EXD1: variants seen among roughly 807,000 people sequenced by gnomAD.
The protein encoded by EXD1 is piRNA biogenesis protein EXD1.
A neutral mutation model predicts 49.1 loss-of-function variants in EXD1; 63 were observed. The ratio of observed to expected loss-of-function variants is 1.28; its 90% confidence interval spans 1.05 to 1.58. The LOEUF (loss-of-function observed/expected upper bound fraction) is 1.58. EXD1 is among the 40% of genes most tolerant of loss of function. The pLI, the probability that EXD1 is intolerant of heterozygous loss-of-function variation, is 0.00. For missense variants in EXD1, 748 were observed against 666.0 expected (o/e 1.12, Z -1.36); for synonymous variants, 234 against 239.2 (o/e 0.98, Z 0.20).
At chr15:41,193,370 GC>G (rs1000589553) in intron 9 of EXD1, among the ~76,000 whole-genome samples, 1 of 152,172 alleles carries the variant, frequency 6.6e-6, no homozygotes, top group African/African-American at 2.4e-5. Context: ...CTAGTCGGGA[GC>G]TGAACCAGCA....
intron 7 of EXD1, among the ~76,000 whole-genome samples, chr15:41,203,961 C>T (rs1420214395): frequency 8.6e-6 from 1 of 115,746 alleles, no homozygotes; most frequent in African/African-American, 3.6e-5. Flanking sequence ...AAATATTACT[C>T]TAGGCCAGGT....
chr15:41,184,647 A>G (rs1452976171), intron 11 of EXD1, 54 bp from the exon 12 acceptor site: 2 of 1,453,250 alleles, frequency 1.4e-6, no homozygotes, highest in African/African-American at 1.5e-5. Flanking sequence ...TGAATATGGT[A>G]CTTAAAATCA....
chr15:41,208,117 C>A (rs2046862429), intron 7 of EXD1, among the ~76,000 whole-genome samples: 1 of 151,672 alleles, frequency 6.6e-6, no homozygotes, highest in Admixed American at 6.6e-5. Flanking sequence ...TAGGAAATAA[C>A]CTAGAACTGC....
chr15:41,190,459 G>A (rs1470820581), intron 10 of EXD1: 3 of 270,746 alleles, frequency 1.1e-5, no homozygotes, highest in Non-Finnish European at 2.2e-5. Context: ...CCAGCCTGGT[G>A]ACAGAGCGAG....
At chr15:41,190,222 C>A (rs775031122) in intron 10 of EXD1, 94 bp from the exon 11 acceptor site, 7 of 1,337,478 alleles carry the variant, frequency 5.2e-6, no homozygotes, top group African/African-American at 1.4e-5. Flanking sequence ...TGCCTGTAAT[C>A]CCAGCACTCT....
At chr15:41,221,979 A>G (rs1461009637) in intron 2 of EXD1, among the ~76,000 whole-genome samples, 1 of 151,792 alleles carries the variant, frequency 6.6e-6, no homozygotes, top group East Asian at 1.9e-4. Context: ...AGGTGCCTGT[A>G]ATCCCAACTA....
Position 41,182,884 on chromosome 15 carries a change from T to C in EXD1, c.*1047A>G, listed in dbSNP as rs907112643. 4.6e-5 allele frequency: 7 copies of C among 151,940 alleles called. No individual in the cohort carries two copies. Among genetic ancestry groups the C allele is most frequent in the African/African-American group, 1.5e-4 (6 of 41,362 alleles). 9.4% of individuals were successfully genotyped at this position (151,940 alleles called of 1,614,324 possible). A position where few individuals can be genotyped will look rare whatever the true frequency, so the allele number is the denominator to read the frequency against. The stretch of plus-strand genomic sequence containing the variant: ...CTAACTCCAGGCAAATAGAATGGAG[T>C]CAGGCTTCAAGTTTATATAACAGAC... On this transcript the variant is annotated 3_prime_UTR_variant, in exon 12 of 12. Transcript: ENST00000458580.
chr15:41,191,450 G>GT lies in EXD1; in HGVS notation c.855dup (p.Leu286ThrfsTer39). The GT allele has an allele frequency of 6.2e-7, 1 of 1,606,232 alleles. No homozygotes were observed. The highest frequency in any genetic ancestry group is 8.5e-7 in the Non-Finnish European group (1 of 1,173,940). On this transcript the variant is annotated frameshift_variant, in exon 10 of 12. Coordinates refer to ENST00000458580, the MANE Select transcript of EXD1 (RefSeq NM_001286441.2). LOFTEE classifies it high-confidence loss of function. Reference sequence around the variant, plus strand: ...ACATCCTTTACACCCACCTGAATTAGTTTTTGTCTCTTTTCTAGAAAGGAG... The same window carrying GT: ...ACATCCTTTACACCCACCTGAATTAGTTTTTTGTCTCTTTTCTAGAAAGGAG...
intron 7 of EXD1, among the ~76,000 whole-genome samples, chr15:41,207,809 G>A (rs564253298): frequency 6.6e-6 from 1 of 151,770 alleles, no homozygotes; most frequent in African/African-American, 2.4e-5. Context: ...CCAGGAATTC[G>A]AGACAAGCCT....
intron 3 of EXD1, chr15:41,219,577 C>G (rs1017180876): frequency 1.6e-4 from 58 of 360,906 alleles, no homozygotes; most frequent in Non-Finnish European, 1.5e-5. Context: ...CAATCCCTTC[C>G]TGTTCACATT....
chr15:41,227,396 G>A (rs560249531), intron 1 of EXD1, among the ~76,000 whole-genome samples: 30 of 152,276 alleles, frequency 2.0e-4, no homozygotes, highest in South Asian at 1.4e-3. Flanking sequence ...TTGGCCGGGC[G>A]CAGTGGCTCA....
intron 1 of EXD1, 58 bp from the exon 2 acceptor site, chr15:41,226,686 TTTTCCC>T: frequency 1.5e-6 from 2 of 1,351,646 alleles, no homozygotes; most frequent in South Asian, 3.2e-5. Flanking sequence ...AGTAAAGTTA[TTTTCCC>T]TTTCCCCATA....
rs2047169051 is a variant in EXD1, at chr15:41,226,687, T to G, written c.-53-59A>C. On this transcript the variant is annotated intron_variant, in intron 1 of 11. Coordinates refer to ENST00000458580, the MANE Select transcript of EXD1 (RefSeq NM_001286441.2). ...AAAGATTTTTTGGGAGTAAAGTTAT[T>G]TTCCCTTTCCCCATATCTGTAATGG... 4 of 1,322,804 alleles carry G rather than the reference T, an allele frequency of 3.0e-6. No homozygotes were observed. The East Asian group carries it at 1.0e-4, about 34-fold the overall frequency. The allele number at this position is 1,322,804 out of a possible 1,614,324, so 81.9% of individuals were successfully genotyped here.
At chr15:41,220,307 G>A (rs938354985) in intron 2 of EXD1, among the ~76,000 whole-genome samples, 1 of 149,970 alleles carries the variant, frequency 6.7e-6, no homozygotes, top group South Asian at 2.1e-4. Context: ...GTCTCGTTCT[G>A]TCACGTAGGC....
intron 10 of EXD1, 88 bp downstream of exon 10, chr15:41,191,354 T>C: frequency 8.1e-7 from 1 of 1,241,098 alleles, no homozygotes; most frequent in Non-Finnish European, 1.1e-6. Context: ...ACATGGCAGC[T>C]GTCATTTTTC....
chr15:41,218,997 C>T (rs1288804858), intron 3 of EXD1, among the ~76,000 whole-genome samples: 3 of 152,158 alleles, frequency 2.0e-5, no homozygotes, highest in Admixed American at 1.3e-4. Context: ...GATGCACAGT[C>T]CTAAGAGGTC....
intron 3 of EXD1, among the ~76,000 whole-genome samples, chr15:41,219,261 C>A (rs1298380021): frequency 6.6e-6 from 1 of 152,052 alleles, no homozygotes; most frequent in African/African-American, 2.4e-5. Context: ...ATTCCAAAAT[C>A]CGAAAATCTC....
In EXD1 at chr15:41,182,799, G is replaced by A. The variant is rs2046343605; in HGVS notation, c.*1132C>T. ...ACAAAAGAATGTTAGCAATTTGCAA[G>A]CATTCAATACTTTAAAAGGCTCAAT... On this transcript the variant is annotated 3_prime_UTR_variant, in exon 12 of 12. Coordinates refer to ENST00000458580, the MANE Select transcript of EXD1 (RefSeq NM_001286441.2). 6.6e-6 allele frequency: 1 copy of A among 152,096 alleles called. No individual in the cohort carries two copies. Among genetic ancestry groups the A allele is most frequent in the South Asian group, 2.1e-4 (1 of 4,824 alleles). The allele number at this position is 152,096 out of a possible 1,614,324, so 9.4% of individuals were successfully genotyped here.
chr15:41,190,160 G>A (rs778330223), intron 10 of EXD1, 32 bp from the exon 11 acceptor site: 2 of 1,608,518 alleles, frequency 1.2e-6, no homozygotes, highest in East Asian at 4.5e-5. Context: ...CCTCTGAACA[G>A]TAAGCAAGAC....
Sources: gnomAD v4.1 joint callset for allele counts (sites outside exome capture counted in the v4.1 genomes callset) on GRCh38, gnomAD v4.1.1 for gene constraint, MANE v1.5 for transcripts, NCBI Gene and HGNC (gene_info 2026-07-23, HGNC 2026-07-21) for gene names.